Variants in ADGRV1 observed in about 807,000 individuals in gnomAD.
The protein encoded by ADGRV1 is G-protein coupled receptor 98.
ADGRV1 carries 359 observed loss-of-function variants against 596.2 expected under a neutral mutation model. The observed-to-expected ratio is 0.60, with a 90% CI of 0.55 to 0.66. ADGRV1 has a LOEUF of 0.66. Ranked by LOEUF, ADGRV1 falls within the 30% of genes least tolerant of loss-of-function variation. ADGRV1 has a pLI of 0.00. For missense variants in ADGRV1, 7,274 were observed against 7,575.6 expected, an observed-to-expected ratio of 0.96 and a Z score of 1.48; for synonymous variants, 2,681 against 2,679.2, an observed-to-expected ratio of 1.00 and a Z score of -0.02.
chr5:90,888,639 T>C (rs1770521976), intron 83 of ADGRV1, among the ~76,000 whole-genome samples: 1 of 152,158 alleles, frequency 6.6e-6, no homozygotes, highest in Non-Finnish European at 1.5e-5. Flanking sequence ...GGTGTTTTTA[T>C]CATTGTACTG....
At chr5:91,136,874 T>C (rs1193997635) in intron 87 of ADGRV1, among the ~76,000 whole-genome samples, 1 of 9,180 alleles carries the variant, frequency 1.1e-4, no homozygotes, top group Non-Finnish European at 2.2e-4. Flanking sequence ...CTAAAATCTT[T>C]ATTTGGATTT....
chr5:90,839,197 T>TTTTTTG (rs1412232764), intron 77 of ADGRV1, among the ~76,000 whole-genome samples: 1 of 151,984 alleles, frequency 6.6e-6, no homozygotes, highest in African/African-American at 2.4e-5. Context: ...TACCTCTCTG[T>TTTTTTG]TTTTTGTTTT....
At chr5:91,048,261 T>A (rs1286455026) in intron 85 of ADGRV1, among the ~76,000 whole-genome samples, 1 of 152,252 alleles carries the variant, frequency 6.6e-6, no homozygotes, top group Non-Finnish European at 1.5e-5. Context: ...CTTCTGCCTG[T>A]CTCTGCTGAG....
At chr5:90,934,336 G>A (rs1175395829) in intron 83 of ADGRV1, among the ~76,000 whole-genome samples, 1 of 152,136 alleles carries the variant, frequency 6.6e-6, no homozygotes, top group Non-Finnish European at 1.5e-5. Context: ...GCTTGAAGGG[G>A]TGGAGACTAC....
intron 61 of ADGRV1, among the ~76,000 whole-genome samples, chr5:90,777,671 C>G (rs1758392515): frequency 6.6e-6 from 1 of 152,124 alleles, no homozygotes; most frequent in South Asian, 2.1e-4. Flanking sequence ...TTTTAGTAAT[C>G]AGTTTTTGCT....
At chr5:91,026,167 C>T (rs1784005087) in intron 85 of ADGRV1, among the ~76,000 whole-genome samples, 1 of 152,108 alleles carries the variant, frequency 6.6e-6, no homozygotes, top group South Asian at 2.1e-4. Flanking sequence ...TGCTTTGAAC[C>T]ATTAGGCCAT....
At chr5:90,713,182 T>C (rs983708572) in intron 42 of ADGRV1, among the ~76,000 whole-genome samples, 1 of 152,086 alleles carries the variant, frequency 6.6e-6, no homozygotes, top group African/African-American at 2.4e-5. Context: ...AAAAAAATTT[T>C]AGTTTGATGA....
chr5:90,783,024 C>A, intron 65 of ADGRV1, 100 bp from the exon 66 acceptor site: 1 of 897,004 alleles, frequency 1.1e-6, no homozygotes, highest in Non-Finnish European at 1.8e-6. Context: ...AGAGTGCTTA[C>A]TTTGTGCCAT....
intron 32 of ADGRV1, 102 bp downstream of exon 32, chr5:90,692,888 T>C (rs1236164603): frequency 1.2e-6 from 1 of 824,096 alleles, no homozygotes; most frequent in Non-Finnish European, 1.8e-6. Context: ...TGTGGTTTTT[T>C]CTATGCCATA....
intron 85 of ADGRV1, among the ~76,000 whole-genome samples, chr5:91,030,357 G>T (rs761425122): frequency 3.2e-4 from 49 of 151,932 alleles, no homozygotes; most frequent in Admixed American, 1.1e-3. Context: ...TGGTATTTTG[G>T]TATCTAAATT....
At chr5:90,849,346 A>G (rs746081447) in intron 79 of ADGRV1, among the ~76,000 whole-genome samples, 18 of 152,182 alleles carry the variant, frequency 1.2e-4, no homozygotes, top group Non-Finnish European at 2.1e-4. Context: ...ATATGTTAAC[A>G]TACCTCTATG....
chr5:90,860,673 C>T (rs1767464899), intron 82 of ADGRV1, among the ~76,000 whole-genome samples: 1 of 150,824 alleles, frequency 6.6e-6, no homozygotes, highest in Non-Finnish European at 1.5e-5. Context: ...AAAATTGTTG[C>T]CAAAACCATC....
intron 1 of ADGRV1, among the ~76,000 whole-genome samples, chr5:90,598,916 T>C (rs750310504): frequency 6.6e-6 from 1 of 152,184 alleles, no homozygotes; most frequent in Admixed American, 6.5e-5. Context: ...TTTAATCAAA[T>C]CTATCAATCT....
intron 84 of ADGRV1, among the ~76,000 whole-genome samples, chr5:90,979,218 G>C (rs1043723445): frequency 6.6e-6 from 1 of 151,334 alleles, no homozygotes; most frequent in Non-Finnish European, 1.5e-5. Context: ...ACTGCAGCTG[G>C]AGTGCAGTGG....
intron 85 of ADGRV1, among the ~76,000 whole-genome samples, chr5:91,007,723 A>G (rs574172503): frequency 6.6e-6 from 1 of 152,162 alleles, no homozygotes; most frequent in Non-Finnish European, 1.5e-5. Flanking sequence ...GTGCATTTTT[A>G]GGATGAAACA....
chr5:91,148,793 G>A (rs996126013), intron 87 of ADGRV1, among the ~76,000 whole-genome samples: 3 of 151,744 alleles, frequency 2.0e-5, no homozygotes, highest in African/African-American at 4.9e-5. Context: ...TGTGAAAGCA[G>A]CTGGGAGGGG....
At chr5:90,806,880 T>A (rs575915720) in intron 72 of ADGRV1, among the ~76,000 whole-genome samples, 7 of 151,552 alleles carry the variant, frequency 4.6e-5, no homozygotes, top group Non-Finnish European at 1.0e-4. Context: ...TGAGACAGAG[T>A]CTTGCTCTGT....
At chr5:90,967,145 A>G (rs961673759) in intron 84 of ADGRV1, among the ~76,000 whole-genome samples, 3 of 152,154 alleles carry the variant, frequency 2.0e-5, no homozygotes, top group Non-Finnish European at 4.4e-5. Flanking sequence ...GAACTGAACT[A>G]TTTAGCTAAT....
At chr5:91,060,235 G>A (rs772830304) in intron 85 of ADGRV1, among the ~76,000 whole-genome samples, 3 of 151,852 alleles carry the variant, frequency 2.0e-5, no homozygotes, top group Non-Finnish European at 4.4e-5. Flanking sequence ...TTGTTTGTTT[G>A]TTTGGTTTTT....
Sources: allele counts gnomAD v4.1 joint callset (sites outside exome capture counted in the v4.1 genomes callset), GRCh38; gene constraint gnomAD v4.1.1; transcripts MANE v1.5; gene names NCBI Gene and HGNC (gene_info 2026-07-23, HGNC 2026-07-21).